The following PRELID2 variants were observed in gnomAD, a reference collection of about 807,000 sequenced individuals.
The protein encoded by PRELID2 is PRELI domain containing 2.
A neutral mutation model predicts 28.4 loss-of-function variants in PRELID2; 25 were observed. The ratio of observed to expected loss-of-function variants is 0.88; its 90% CI spans 0.64 to 1.23. The LOEUF is 1.23. PRELID2 is among the 50% of genes most tolerant of loss of function. The pLI is 0.00. For missense variants in PRELID2, 201 were observed against 214.4 expected, an observed-to-expected ratio of 0.94 and a Z score of 0.39; for synonymous variants, 76 against 71.6, an observed-to-expected ratio of 1.06 and a Z score of -0.31.
chr5:145,719,511 G>T (rs1484008744), intron 1 of PRELID2, among the ~76,000 whole-genome samples: 2 of 151,794 alleles, frequency 1.3e-5, no homozygotes, highest in African/African-American at 4.8e-5. Context: ...GAGAGAGAGA[G>T]AGAGAGAGGG....
At chr5:145,356,928 G>A in the PRELID2 span, among the ~76,000 whole-genome samples, 31 of 152,202 alleles carry the variant, frequency 2.0e-4, no homozygotes, top group East Asian at 5.2e-3. Context: ...TGTGAGGCAG[G>A]TCCTGTGGTA....
intron 2 of PRELID2, among the ~76,000 whole-genome samples, chr5:145,821,986 T>C (rs919074421): frequency 2.0e-5 from 3 of 152,170 alleles, no homozygotes; most frequent in African/African-American, 7.2e-5. Context: ...ACACTGCAGG[T>C]ACATGAGAAA....
chr5:145,732,475 T>C (rs1306632361), intron 1 of PRELID2, among the ~76,000 whole-genome samples: 9 of 152,226 alleles, frequency 5.9e-5, no homozygotes, highest in Admixed American at 5.9e-4. Flanking sequence ...TGCACAAATG[T>C]GCCACTAGAC....
intron 6 of PRELID2, among the ~76,000 whole-genome samples, chr5:145,762,396 G>A (rs772708138): frequency 1.2e-4 from 18 of 151,504 alleles, no homozygotes; most frequent in Non-Finnish European, 2.7e-4. Context: ...AATTAGCCAG[G>A]TGTGGTGGTG....
chr5:145,654,161 A>C (rs992022388), intron 1 of PRELID2, among the ~76,000 whole-genome samples: 6 of 152,220 alleles, frequency 3.9e-5, no homozygotes, highest in Admixed American at 6.5e-5. Flanking sequence ...GAAATGGATA[A>C]ATTCCTGGAC....
intron 1 of PRELID2, among the ~76,000 whole-genome samples, chr5:145,726,958 G>A (rs1056595823): frequency 6.6e-6 from 1 of 152,218 alleles, no homozygotes; most frequent in East Asian, 1.9e-4. Flanking sequence ...GGGTGATGAA[G>A]TCCAGTGGAG....
the PRELID2 span, among the ~76,000 whole-genome samples, chr5:145,451,637 G>A: frequency 2.6e-5 from 4 of 152,008 alleles, no homozygotes; most frequent in Admixed American, 6.6e-5. Context: ...TCTATTATGG[G>A]TATATGTTGA....
intron 1 of PRELID2, among the ~76,000 whole-genome samples, chr5:145,621,136 C>A (rs894389171): frequency 2.6e-5 from 4 of 152,138 alleles, no homozygotes; most frequent in Admixed American, 2.6e-4. Context: ...TCTGAATAGA[C>A]ATTTCTCCAA....
At chr5:145,751,160 T>C (rs1757113349) in intron 1 of PRELID2, among the ~76,000 whole-genome samples, 1 of 152,194 alleles carries the variant, frequency 6.6e-6, no homozygotes, top group Non-Finnish European at 1.5e-5. Flanking sequence ...CTCATTATAT[T>C]GATATATAGG....
In PRELID2 at chr5:145,481,126, C is replaced by T. The variant is rs140728069; in HGVS notation, n.71-7811G>A. On this transcript the variant is annotated intron_variant and non_coding_transcript_variant, in intron 1 of 2. Coordinates refer to the PRELID2 transcript ENST00000510259. ...ATATAATTATCGTAAGATAAAAGCC[C>T]TACTTTTCACCTAGAGCTTCTATAA... 1.5e-3 allele frequency among the ~76,000 whole-genome samples: 221 copies of T among 152,202 alleles called. 1 individual carries two copies. The highest frequency in any genetic ancestry group is 5.2e-3 in the African/African-American group (216 of 41,556).
chr5:145,674,862 G>C (rs1025433784), intron 1 of PRELID2, among the ~76,000 whole-genome samples: 5 of 152,064 alleles, frequency 3.3e-5, no homozygotes, highest in African/African-American at 1.2e-4. Context: ...TTGAACCCAG[G>C]ACGTGGGGGT....
At chr5:145,335,406 GCTGA>G in the PRELID2 span, among the ~76,000 whole-genome samples, 1 of 151,744 alleles carries the variant, frequency 6.6e-6, no homozygotes, top group Non-Finnish European at 1.5e-5. Context: ...TTCTCTTGCA[GCTGA>G]CTGTTTACTT....
chr5:145,566,035 T>C (rs946221846), intron 1 of PRELID2, among the ~76,000 whole-genome samples: 4 of 152,218 alleles, frequency 2.6e-5, no homozygotes, highest in Non-Finnish European at 5.9e-5. Context: ...ATTACTCCTC[T>C]GGGGTAGATC....
chr5:145,560,303 G>C (rs1752915857), intron 1 of PRELID2, among the ~76,000 whole-genome samples: 1 of 152,086 alleles, frequency 6.6e-6, no homozygotes. Context: ...TTCTCAACCA[G>C]TAAGCTCAAG....
intron 1 of PRELID2, among the ~76,000 whole-genome samples, chr5:145,690,342 A>G (rs1047880014): frequency 1.2e-4 from 19 of 152,132 alleles, no homozygotes; most frequent in African/African-American, 3.9e-4. Flanking sequence ...GTTCCAATTC[A>G]GTTTAGCAGT....
chr5:145,404,274 G>A, the PRELID2 span, among the ~76,000 whole-genome samples: 715 of 152,250 alleles, frequency 4.7e-3, 3 homozygotes, highest in African/African-American at 0.016. Context: ...TTTCCTTTCC[G>A]CACACTCTGT....
chr5:145,249,425 T>C, the PRELID2 span, among the ~76,000 whole-genome samples: 10 of 152,270 alleles, frequency 6.6e-5, no homozygotes, highest in African/African-American at 2.4e-4. Flanking sequence ...TATAATTACC[T>C]TCTAAAATCC....
chr5:145,668,807 A>G (rs1754647220), intron 1 of PRELID2, among the ~76,000 whole-genome samples: 1 of 152,114 alleles, frequency 6.6e-6, no homozygotes, highest in African/African-American at 2.4e-5. Flanking sequence ...ACCTAAGTTC[A>G]AACTAAAGAC....
chr5:145,515,403 T>G (rs1752506717), intron 1 of PRELID2, among the ~76,000 whole-genome samples: 1 of 151,860 alleles, frequency 6.6e-6, no homozygotes, highest in Admixed American at 6.6e-5. Context: ...ATCTAGAAGA[T>G]AAATTCCTGG....
Sources: gnomAD v4.1 joint callset for allele counts (sites outside exome capture counted in the v4.1 genomes callset) on GRCh38, gnomAD v4.1.1 for gene constraint, MANE v1.5 for transcripts, NCBI Gene and HGNC (gene_info 2026-07-23, HGNC 2026-07-21) for gene names.